METTL25: variants seen among roughly 807,000 people sequenced by gnomAD.
METTL25 encodes the protein methyltransferase like 25.
A neutral mutation model predicts 71.6 loss-of-function variants in METTL25; 64 were observed. The observed-to-expected ratio is 0.89, with a 90% CI of 0.73 to 1.10. The LOEUF (loss-of-function observed/expected upper bound fraction) is 1.10. Ranked by LOEUF, METTL25 falls within the 50% of genes least tolerant of loss-of-function variation. The probability of loss-of-function intolerance (pLI) is 0.00; values close to 1 mark genes in which losing one functional copy is unlikely to be tolerated. For missense variants in METTL25, 807 were observed against 707.0 expected, an observed-to-expected ratio of 1.14 and a Z score of -1.60; for synonymous variants, 287 against 250.3, an observed-to-expected ratio of 1.15 and a Z score of -1.38.
intron 1 of METTL25, among the ~76,000 whole-genome samples, chr12:82,361,836 C>T (rs1054696019): frequency 6.6e-6 from 1 of 152,212 alleles, no homozygotes; most frequent in Non-Finnish European, 1.5e-5. Flanking sequence ...GAGCCAGCTC[C>T]AGCCTCGGCC....
chr12:82,474,907 T>G (rs1373791322), intron 9 of METTL25, among the ~76,000 whole-genome samples: 2 of 151,886 alleles, frequency 1.3e-5, no homozygotes, highest in Non-Finnish European at 2.9e-5. Flanking sequence ...ATAATGAAGG[T>G]AAAAGAGGGA....
At chr12:82,441,309 G>T (rs1890309674) in intron 8 of METTL25, among the ~76,000 whole-genome samples, 1 of 91,140 alleles carries the variant, frequency 1.1e-5, no homozygotes, top group African/African-American at 3.7e-5. Context: ...TATATATATA[G>T]TACCTTACAA....
intron 8 of METTL25, among the ~76,000 whole-genome samples, chr12:82,441,165 C>T (rs913381418): frequency 2.0e-5 from 3 of 151,818 alleles, no homozygotes; most frequent in Non-Finnish European, 4.4e-5. Context: ...GAGTAAAGCC[C>T]CATTTTGAAT....
At chr12:82,405,596 A>G (rs1465106004) in intron 5 of METTL25, among the ~76,000 whole-genome samples, 1 of 152,190 alleles carries the variant, frequency 6.6e-6, no homozygotes, top group Admixed American at 6.6e-5. Flanking sequence ...ACGTTTTCTA[A>G]TAGATTATTG....
chr12:82,468,787 G>C (rs1436140163), intron 9 of METTL25: 1 of 152,250 alleles, frequency 6.6e-6, no homozygotes, highest in African/African-American at 2.4e-5. Context: ...TTGTGCACAG[G>C]GGGTGGTTCA....
Position 82,358,680 on chromosome 12 carries a change from G to A in METTL25, c.115G>A (p.Val39Met), listed in dbSNP as rs975404727. Reference sequence around the variant, plus strand: ...CCTGTCCATTTCCAATGCACATACCGTGGATTTCTACACAGAATCCGTGTG... The same window carrying A: ...CCTGTCCATTTCCAATGCACATACCATGGATTTCTACACAGAATCCGTGTG... ...DALSISNAHT[V>M]DFYTESVWEE... is the part of the protein sequence containing the mutation. Residue 39 changes from valine to methionine, a missense_variant, in exon 1 of 12, where the codon GTG (valine) becomes ATG (methionine). By Grantham distance (21) the Val-to-Met change is conservative (BLOSUM62 1). Coordinates refer to ENST00000248306, the MANE Select transcript of METTL25 (RefSeq NM_032230.3). 2 of 1,614,058 alleles carry A rather than the reference G, an allele frequency of 1.2e-6. No individual in the cohort carries two copies. The highest frequency in any genetic ancestry group is 8.5e-7 in the Non-Finnish European group (1 of 1,180,060).
At chr12:82,384,421 CCT>C (rs532412468) in intron 1 of METTL25, among the ~76,000 whole-genome samples, 57 of 125,944 alleles carry the variant, frequency 4.5e-4, no homozygotes, top group African/African-American at 1.5e-3. Flanking sequence ...CTCCCCCCTC[CCT>C]CTCTCTGAAT....
At chr12:82,366,049 A>G (rs527402798) in intron 1 of METTL25, among the ~76,000 whole-genome samples, 1 of 152,110 alleles carries the variant, frequency 6.6e-6, no homozygotes, top group Non-Finnish European at 1.5e-5. Flanking sequence ...GCCACTGCAC[A>G]CCAGCTTGGA....
At chr12:82,387,781 A>G (rs909426138) in intron 2 of METTL25, among the ~76,000 whole-genome samples, 1 of 151,792 alleles carries the variant, frequency 6.6e-6, no homozygotes, top group Non-Finnish European at 1.5e-5. Flanking sequence ...TTAGCATTTT[A>G]CTCTCAAATA....
At chr12:82,450,712 T>A (rs1295141579) in intron 8 of METTL25, among the ~76,000 whole-genome samples, 1 of 152,156 alleles carries the variant, frequency 6.6e-6, no homozygotes, top group Non-Finnish European at 1.5e-5. Context: ...CTTTTGTTCA[T>A]GTCTGTGCCA....
At chr12:82,417,033 T>C (rs994167728) in intron 5 of METTL25, among the ~76,000 whole-genome samples, 1 of 152,094 alleles carries the variant, frequency 6.6e-6, no homozygotes, top group African/African-American at 2.4e-5. Flanking sequence ...AACTGAGAGG[T>C]CATCTTTACT....
intron 6 of METTL25, among the ~76,000 whole-genome samples, chr12:82,434,249 A>G (rs1889745573): frequency 6.6e-6 from 1 of 151,376 alleles, no homozygotes; most frequent in South Asian, 2.1e-4. Context: ...TTTGTTCACT[A>G]AAAGATGAAA....
At chr12:82,394,964 T>A (rs1885942259) in intron 3 of METTL25, among the ~76,000 whole-genome samples, 1 of 151,654 alleles carries the variant, frequency 6.6e-6, no homozygotes, top group Admixed American at 6.6e-5. Context: ...GAAGTCAGAT[T>A]GAACAAGCAG....
intron 8 of METTL25, among the ~76,000 whole-genome samples, chr12:82,456,234 A>G (rs929146573): frequency 6.6e-6 from 1 of 151,888 alleles, no homozygotes; most frequent in African/African-American, 2.4e-5. Context: ...CTTTGTGTAC[A>G]TTATTAATAA....
intron 11 of METTL25, 77 bp downstream of exon 11, chr12:82,477,429 A>G: frequency 1.4e-6 from 1 of 695,532 alleles, no homozygotes; most frequent in Admixed American, 2.8e-5. Context: ...TATCTAGGAT[A>G]AGAGTCTTTC....
intron 1 of METTL25, among the ~76,000 whole-genome samples, chr12:82,375,753 C>G (rs1245109097): frequency 6.6e-6 from 1 of 152,086 alleles, no homozygotes; most frequent in Non-Finnish European, 1.5e-5. Context: ...TCTTTTATGG[C>G]CTTTATAATA....
chr12:82,466,281 G>T (rs1395924999), intron 9 of METTL25, among the ~76,000 whole-genome samples: 1 of 147,852 alleles, frequency 6.8e-6, no homozygotes, highest in East Asian at 2.0e-4. Context: ...GTTTTGGTAT[G>T]TTATGTTTCT....
chr12:82,452,393 C>T (rs537289448), intron 8 of METTL25, among the ~76,000 whole-genome samples: 1 of 152,278 alleles, frequency 6.6e-6, no homozygotes, highest in South Asian at 2.1e-4. Context: ...GTCTCAGCTA[C>T]TCAGAAGGCT....
At chr12:82,436,307 A>G (rs1228168806) in intron 7 of METTL25, among the ~76,000 whole-genome samples, 1 of 151,496 alleles carries the variant, frequency 6.6e-6, no homozygotes, top group Non-Finnish European at 1.5e-5. Flanking sequence ...TGTCTGATAC[A>G]CATGCTTTAA....
Sources: gnomAD v4.1 joint callset for allele counts (sites outside exome capture counted in the v4.1 genomes callset) on GRCh38, gnomAD v4.1.1 for gene constraint, MANE v1.5 for transcripts, NCBI Gene and HGNC (gene_info 2026-07-23, HGNC 2026-07-21) for gene names.